SETX: variants seen among roughly 807,000 people sequenced by gnomAD.
SETX encodes helicase senataxin.
A neutral mutation model predicts 227.2 loss-of-function variants in SETX; 90 were observed. The observed-to-expected ratio is 0.40, with a 90% CI of 0.33 to 0.47. SETX has a LOEUF of 0.47. Ranked by LOEUF, SETX falls within the 20% of genes least tolerant of loss-of-function variation. The probability of loss-of-function intolerance (pLI) is 0.91; values close to 1 mark genes in which losing one functional copy is unlikely to be tolerated. For missense variants in SETX, 3,052 were observed against 3,181.5 expected, an observed-to-expected ratio of 0.96 and a Z score of 0.98; for synonymous variants, 1,210 against 1,113.2, an observed-to-expected ratio of 1.09 and a Z score of -1.73.
rs1174655463 is a variant in SETX, at chr9:132,263,421, G to A, written c.*818C>T. ...GTCTGTACCTCACCAGTCACACAAG[G>A]CTCACAATATGCTGGGAGCATTTGA... On this transcript the variant is annotated 3_prime_UTR_variant, in exon 26 of 26. Transcript: ENST00000224140. The A allele has an allele frequency of 6.6e-6, 1 of 152,156 alleles. No individual in the cohort carries two copies. The highest frequency in any genetic ancestry group is 2.4e-5 in the African/African-American group (1 of 41,424). 9.4% of individuals were successfully genotyped at this position (152,156 alleles called of 1,614,324 possible).
At chr9:132,303,339 C>CAAAAA (rs76538209) in intron 11 of SETX, among the ~76,000 whole-genome samples, 2 of 61,636 alleles carry the variant, frequency 3.2e-5, no homozygotes, top group African/African-American at 9.5e-5. Flanking sequence ...TTTAAAAAAG[C>CAAAAA]AAAAAAAAAA....
intron 10 of SETX, among the ~76,000 whole-genome samples, chr9:132,314,206 C>T (rs1845835724): frequency 6.6e-6 from 1 of 152,208 alleles, no homozygotes. Flanking sequence ...GATTCTCCTG[C>T]CTCAGCCTCC....
rs922207833 is a variant in SETX at position 132,264,221 on chromosome 9, C to T, written c.*18G>A. The T allele has an allele frequency of 6.2e-7, 1 of 1,613,666 alleles. No homozygotes were observed. The highest frequency in any genetic ancestry group is 8.5e-7 in the Non-Finnish European group (1 of 1,180,028). ...TTTACAATATGCTGTGGCTGCTGGC[C>T]CATGTCACTGGGCTTTCCTATAAAA... On this transcript the variant is annotated 3_prime_UTR_variant, in exon 26 of 26. Coordinates refer to ENST00000224140, the MANE Select transcript of SETX (RefSeq NM_015046.7).
At chr9:132,300,486 GACTCT>G (rs1330252606) in intron 12 of SETX, 139 bp downstream of exon 12, 1 of 808,518 alleles carries the variant, frequency 1.2e-6, no homozygotes, top group Non-Finnish European at 2.0e-6. Context: ...CTAGAAAAGA[GACTCT>G]GAATGGCCAT....
intron 17 of SETX, 74 bp from the exon 18 acceptor site, chr9:132,286,568 A>G: frequency 9.8e-7 from 1 of 1,019,350 alleles, no homozygotes; most frequent in South Asian, 1.3e-5. Flanking sequence ...GACTACCTCT[A>G]ATTTTAAAAG....
intron 11 of SETX, among the ~76,000 whole-genome samples, chr9:132,311,256 C>A (rs376428182): frequency 6.6e-6 from 1 of 152,094 alleles, no homozygotes; most frequent in East Asian, 1.9e-4. Context: ...CATGAGCCAC[C>A]GCACCCAGCC....
chr9:132,336,608 T>C, intron 5 of SETX, 93 bp from the exon 6 acceptor site: 3 of 933,258 alleles, frequency 3.2e-6, no homozygotes, highest in Non-Finnish European at 5.2e-6. Context: ...TCTGCATATT[T>C]TAAAAGACAT....
At chr9:132,277,410 G>C (rs1412288794) in intron 21 of SETX, among the ~76,000 whole-genome samples, 1 of 152,082 alleles carries the variant, frequency 6.6e-6, no homozygotes, top group Non-Finnish European at 1.5e-5. Context: ...GTAAGCCACA[G>C]AATACTATGT....
intron 15 of SETX, among the ~76,000 whole-genome samples, chr9:132,291,920 T>A (rs1340899557): frequency 6.6e-6 from 1 of 152,146 alleles, no homozygotes; most frequent in Non-Finnish European, 1.5e-5. Flanking sequence ...AAAACAAGTG[T>A]AATTATCTTG....
intron 23 of SETX, among the ~76,000 whole-genome samples, chr9:132,272,522 C>G (rs1190005658): frequency 1.3e-5 from 2 of 151,932 alleles, no homozygotes; most frequent in East Asian, 3.9e-4. Context: ...ACTGCGTTGC[C>G]CAGGCTGGAC....
chr9:132,275,868 A>G (rs1357207655), intron 22 of SETX, among the ~76,000 whole-genome samples: 1 of 152,188 alleles, frequency 6.6e-6, no homozygotes, highest in Non-Finnish European at 1.5e-5. Context: ...GTCCCTCACC[A>G]CTGGCTGCAT....
intron 5 of SETX, among the ~76,000 whole-genome samples, chr9:132,339,579 A>G (rs1422720779): frequency 6.6e-6 from 1 of 152,166 alleles, no homozygotes; most frequent in Non-Finnish European, 1.5e-5. Flanking sequence ...ATGAATGATA[A>G]TAAGGTAGGG....
At chr9:132,348,477 C>T (rs1412379085) in intron 3 of SETX, among the ~76,000 whole-genome samples, 1 of 152,058 alleles carries the variant, frequency 6.6e-6, no homozygotes, top group Non-Finnish European at 1.5e-5. Context: ...AACAAATCCC[C>T]TCCCAATGAC....
chr9:132,285,878 C>CA (rs35343871), intron 18 of SETX, among the ~76,000 whole-genome samples: 1,583 of 106,166 alleles, frequency 0.015, 19 homozygotes, highest in South Asian at 0.025. Context: ...GACTCTGTCT[C>CA]AAAAAAAAAA....
intron 11 of SETX, among the ~76,000 whole-genome samples, chr9:132,307,736 T>G (rs1053453983): frequency 6.7e-4 from 101 of 150,948 alleles, no homozygotes; most frequent in African/African-American, 2.4e-3. Flanking sequence ...TGGAGTGCAG[T>G]GGCACGATCT....
chr9:132,311,895 C>T, intron 10 of SETX, 39 bp from the exon 11 acceptor site: 1 of 1,427,664 alleles, frequency 7.0e-7, no homozygotes, highest in Non-Finnish European at 9.9e-7. Flanking sequence ...AAGCAACATT[C>T]TGGAAAGTGA....
chr9:132,337,435 T>TAA lies in SETX; in HGVS notation c.499-921_499-920insTT, dbSNP rs139342276. Among the ~76,000 whole-genome samples, 418 of 135,526 alleles carry TAA rather than the reference T, an allele frequency of 3.1e-3. 6 individuals are homozygous for TAA. In the South Asian group the frequency reaches 0.068, roughly 22 times the overall value. The allele number at this position is 135,526 out of a possible 152,430, so 88.9% of individuals were successfully genotyped here. On this transcript the variant is annotated intron_variant, in intron 5 of 25. Transcript: ENST00000224140. Reference sequence around the variant, plus strand: ...TTAAATTTAGTGCTCACAACCAACCTTAAAAAAAAAAAACAAGAACAGAAA... The same window carrying TAA: ...TTAAATTTAGTGCTCACAACCAACCTAATAAAAAAAAAAAACAAGAACAGAAA...
intron 11 of SETX, among the ~76,000 whole-genome samples, chr9:132,306,862 C>G (rs886917874): frequency 1.3e-5 from 2 of 151,648 alleles, no homozygotes; most frequent in Non-Finnish European, 2.9e-5. Flanking sequence ...TACAGAGGCA[C>G]AGGCCACTGT....
chr9:132,273,192 C>T (rs545752102), intron 23 of SETX, among the ~76,000 whole-genome samples: 3 of 151,418 alleles, frequency 2.0e-5, no homozygotes, highest in East Asian at 3.9e-4. Context: ...GATGGAATTT[C>T]GCTCTCGTCG....
Sources: gnomAD v4.1 joint callset for allele counts (sites outside exome capture counted in the v4.1 genomes callset) on GRCh38, gnomAD v4.1.1 for gene constraint, MANE v1.5 for transcripts, NCBI Gene and HGNC (gene_info 2026-07-23, HGNC 2026-07-21) for gene names.